PPP2R5D: variants seen among roughly 807,000 people sequenced by gnomAD.
PPP2R5D encodes protein phosphatase 2 regulatory subunit B'delta.
Under a neutral mutation model 79.1 loss-of-function variants are expected in PPP2R5D, and 12 were observed. The ratio of observed to expected loss-of-function variants is 0.15; its 90% CI spans 0.10 to 0.25. The LOEUF (loss-of-function observed/expected upper bound fraction) is 0.25. PPP2R5D is among the 10% of genes least tolerant of loss of function. The probability of loss-of-function intolerance (pLI) is 1.00; values close to 1 mark genes in which losing one functional copy is unlikely to be tolerated. For missense variants in PPP2R5D, 419 were observed against 760.2 expected (o/e 0.55, Z 5.28); for synonymous variants, 277 against 286.6 (o/e 0.97, Z 0.34).
rs562348107 is a variant in PPP2R5D, at chr6:43,003,492, A to G, written c.106-2971A>G. On this transcript the variant is annotated intron_variant, in intron 2 of 15. Coordinates refer to ENST00000485511, the MANE Select transcript of PPP2R5D (RefSeq NM_006245.4). ...ATTAGCTGCATTTCTCCCATTATAA[A>G]AGCAGTATCATACTACACAATGGAA... is the stretch of plus-strand genomic sequence containing the variant. 2.6e-5 allele frequency among the ~76,000 whole-genome samples: 4 copies of G among 152,294 alleles called. 1 individual carries two copies. Among genetic ancestry groups the G allele is most frequent in the African/African-American group, 9.6e-5 (4 of 41,582 alleles).
chr6:43,005,480 A>T (rs555587627), intron 2 of PPP2R5D, among the ~76,000 whole-genome samples: 282 of 152,046 alleles, frequency 1.9e-3, no homozygotes, highest in African/African-American at 6.1e-3. Flanking sequence ...ATTAAAAAAA[A>T]TTTTTTGTAG....
chr6:43,006,300 C>A lies in PPP2R5D; in HGVS notation c.106-163C>A, dbSNP rs1258093179. The A allele has an allele frequency of 3.8e-5, 50 of 1,313,088 alleles. No homozygotes were observed. Among genetic ancestry groups the A allele is most frequent in the Non-Finnish European group, 4.5e-5 (45 of 989,656 alleles). 81.3% of individuals were successfully genotyped at this position (1,313,088 alleles called of 1,614,324 possible). A position where few individuals can be genotyped will look rare whatever the true frequency, so the allele number is the denominator to read the frequency against. On this transcript the variant is annotated intron_variant, in intron 2 of 15. Coordinates refer to ENST00000485511, the MANE Select transcript of PPP2R5D (RefSeq NM_006245.4). This position sits in a 1 kb window ranked among gnomAD's most constrained non-coding sequence, Gnocchi z 4.7. ...TCTTGACTGCTCCCTGCCAGGGCTA[C>A]AGCACAGTTATCTCTGTAACCCTGG...
rs1762198903 is a variant in PPP2R5D at position 43,008,424 on chromosome 6, T to C, written c.975T>C (p.Arg325=). The stretch of plus-strand genomic sequence containing the variant: ...AAGAGCACAAGATGTTCCTCATCCG[T>C]GTCCTACTTCCCCTTCACAAGGTCA... ...LKEEHKMFLI[R]VLLPLHKVKS... The change falls in exon 9 of 16, where the codon CGT becomes CGC. Residue 325 remains arginine, a synonymous_variant. Transcript: ENST00000485511. This position sits in a 1 kb window ranked among gnomAD's most constrained non-coding sequence, Gnocchi z 4.2. 1 of 1,614,018 alleles carries C rather than the reference T, an allele frequency of 6.2e-7. No individual in the cohort carries two copies. The highest frequency in any genetic ancestry group is 1.1e-5 in the South Asian group (1 of 91,090).
At chr6:42,985,505 CCTAA>C (rs1456682600) in intron 1 of PPP2R5D, among the ~76,000 whole-genome samples, 4 of 152,338 alleles carry the variant, frequency 2.6e-5, no homozygotes, top group African/African-American at 9.6e-5. Context: ...TCAAAGCCCT[CCTAA>C]CTGTCACCCA....
At chr6:42,984,755 T>C in intron 1 of PPP2R5D, 51 bp downstream of exon 1, 2 of 1,606,580 alleles carry the variant, frequency 1.2e-6, no homozygotes, top group Non-Finnish European at 1.7e-6. Flanking sequence ...TGCGCGGAGC[T>C]CTGGGAGGGG....
At position 43,011,531 on chromosome 6, in the gene PPP2R5D, A is replaced by G; in HGVS notation, c.*245A>G. 9.1e-6 allele frequency: 5 copies of G among 546,844 alleles called. No individual in the cohort carries two copies. Among genetic ancestry groups the G allele is most frequent in the South Asian group, 4.5e-5 (2 of 44,626 alleles). The allele number at this position is 546,844 out of a possible 1,614,324, so 33.9% of individuals were successfully genotyped here. Reference sequence around the variant, plus strand: ...CACTAAGATGCTTAGTGCTCAGACAACCTGGGGATGCCTGTCCCCTACCTG... The same window carrying G: ...CACTAAGATGCTTAGTGCTCAGACAGCCTGGGGATGCCTGTCCCCTACCTG... On this transcript the variant is annotated 3_prime_UTR_variant, in exon 16 of 16. Coordinates refer to ENST00000485511, the MANE Select transcript of PPP2R5D (RefSeq NM_006245.4).
At position 43,010,160 on chromosome 6, in the gene PPP2R5D, C is replaced by G. The variant is rs1762283573; in HGVS notation, c.1380-308C>G. 6.6e-6 allele frequency among the ~76,000 whole-genome samples: 1 copy of G among 152,080 alleles called. No individual in the cohort carries two copies. Among genetic ancestry groups the G allele is most frequent in the Admixed American group, 6.5e-5 (1 of 15,270 alleles). ...AGTCTGTCATGCTGCATCTACATGC[C>G]CATCATGCTGCTGGGAGGCCATTAG... On this transcript the variant is annotated intron_variant, in intron 12 of 15. Transcript: ENST00000485511. The surrounding 1 kb of genome is among the most constrained non-coding windows in gnomAD (Gnocchi z 4.7).
chr6:42,999,956 G>A (rs1273274696), intron 2 of PPP2R5D, among the ~76,000 whole-genome samples: 1 of 151,384 alleles, frequency 6.6e-6, no homozygotes, highest in East Asian at 1.9e-4. Context: ...TTTTTTTTGA[G>A]ATGGAGTCTT....
At chr6:43,011,034 T>C (rs1364304569) in intron 15 of PPP2R5D, 37 bp downstream of exon 15, 1 of 1,608,562 alleles carries the variant, frequency 6.2e-7, no homozygotes, top group Non-Finnish European at 8.5e-7. Flanking sequence ...GCAGAAATAA[T>C]AGCTCTGGAA....
intron 2 of PPP2R5D, among the ~76,000 whole-genome samples, chr6:42,998,944 C>T (rs977131818): frequency 3.9e-5 from 6 of 152,166 alleles, no homozygotes; most frequent in East Asian, 1.9e-4. Flanking sequence ...CTCAGGCAGG[C>T]GAATCGTTTG....
chr6:43,006,549 G>GC lies in PPP2R5D; in HGVS notation c.198dup (p.Thr67HisfsTer64). 2 of 1,613,754 alleles carry GC rather than the reference G, an allele frequency of 1.2e-6. No homozygotes were observed. Among genetic ancestry groups the GC allele is most frequent in the Non-Finnish European group, 8.5e-7 (1 of 1,179,900 alleles). On this transcript the variant is annotated frameshift_variant, in exon 3 of 16. Transcript: ENST00000485511. LOFTEE classifies it high-confidence loss of function. This position sits in a 1 kb window ranked among gnomAD's most constrained non-coding sequence, Gnocchi z 4.7. ...ACAAGCGTCCCAGCAATAGCACGCC[G>GC]CCCCCCACGCAGCTCAGCAAAATCA...
In PPP2R5D at chr6:43,009,214, G is replaced by A; in HGVS notation, c.1238G>A (p.Ser413Asn). 6.2e-7 allele frequency: 1 copy of A among 1,614,100 alleles called. No individual in the cohort carries two copies. The highest frequency in any genetic ancestry group is 8.5e-7 in the Non-Finnish European group (1 of 1,180,022). The change falls in exon 11 of 16, where the codon AGC (serine) becomes AAC (asparagine). Residue 413 changes from serine to asparagine, a missense_variant. This residue lies in a region of PPP2R5D where 196 missense variants were observed against 424.5 expected (regional missense o/e 0.46). Transcript: ENST00000485511. This position sits in a 1 kb window ranked among gnomAD's most constrained non-coding sequence, Gnocchi z 5.6. The part of the protein sequence containing the change: ...LFRQLAKCVS[S>N]PHFQVAERAL... ...CGCCAGCTGGCCAAGTGTGTCTCTA[G>A]CCCCCATTTCCAGGTGAGACTCCAA...
intron 1 of PPP2R5D, among the ~76,000 whole-genome samples, chr6:42,988,884 C>T (rs1771043174): frequency 6.6e-6 from 1 of 152,180 alleles, no homozygotes; most frequent in South Asian, 2.1e-4. Context: ...TGTGCAGTTG[C>T]TTTTTTTGGC....
At chr6:42,984,976 T>C (rs2150246066) in intron 1 of PPP2R5D, among the ~76,000 whole-genome samples, 1 of 148,926 alleles carries the variant, frequency 6.7e-6, no homozygotes, top group Middle Eastern at 3.5e-3. Flanking sequence ...GTAACCTCCT[T>C]CTTCCAGATC....
intron 2 of PPP2R5D, among the ~76,000 whole-genome samples, chr6:42,992,795 C>T (rs1771360249): frequency 6.6e-6 from 1 of 152,116 alleles, no homozygotes; most frequent in Admixed American, 6.5e-5. Context: ...GCACTCCAGC[C>T]TGGGTGACAG....
At chr6:42,999,395 T>C (rs113150316) in intron 2 of PPP2R5D, among the ~76,000 whole-genome samples, 1 of 152,194 alleles carries the variant, frequency 6.6e-6, no homozygotes, top group African/African-American at 2.4e-5. Flanking sequence ...TGTCTGGATC[T>C]TGGGAGCCAA....
chr6:43,004,311 C>T (rs1292138673), intron 2 of PPP2R5D, among the ~76,000 whole-genome samples: 1 of 152,234 alleles, frequency 6.6e-6, no homozygotes, highest in Admixed American at 6.5e-5. Context: ...GCGTGAGCCA[C>T]CGCACTTGGC....
In PPP2R5D at chr6:43,009,964, G is replaced by C. The variant is rs1762270290; in HGVS notation, c.1380-504G>C. On this transcript the variant is annotated intron_variant, in intron 12 of 15. Transcript: ENST00000485511. This position sits in a 1 kb window ranked among gnomAD's most constrained non-coding sequence, Gnocchi z 5.6. ...GATGCCTGTAGTCCCAGCTACTTGG[G>C]AGGCTGAGGCAGGAGAATCACTTGA... 6.6e-6 allele frequency among the ~76,000 whole-genome samples: 1 copy of C among 152,166 alleles called. No homozygotes were observed. Among genetic ancestry groups the C allele is most frequent in the Non-Finnish European group, 1.5e-5 (1 of 68,034 alleles).
chr6:42,986,421 A>G (rs758636665), intron 1 of PPP2R5D, among the ~76,000 whole-genome samples: 14 of 151,928 alleles, frequency 9.2e-5, no homozygotes, highest in South Asian at 6.3e-4. Flanking sequence ...TTTTCAATCA[A>G]ACTTTTTCTC....
Sources: allele counts gnomAD v4.1 joint callset (sites outside exome capture counted in the v4.1 genomes callset), GRCh38; gene constraint gnomAD v4.1.1; regional missense constraint gnomAD v4.1.1; non-coding constraint Gnocchi (gnomAD v3.1); transcripts MANE v1.5; gene names NCBI Gene and HGNC (gene_info 2026-07-23, HGNC 2026-07-21).